Variants in SORCS2 observed in about 807,000 individuals in gnomAD.
The protein encoded by SORCS2 is sortilin related VPS10 domain containing receptor 2.
Under a neutral mutation model 141.6 loss-of-function variants are expected in SORCS2, and 100 were observed. That is an observed-to-expected ratio of 0.71 (90% CI 0.60 to 0.83). SORCS2 has a LOEUF of 0.83. Ranked by LOEUF, SORCS2 falls within the 40% of genes least tolerant of loss-of-function variation. The probability of loss-of-function intolerance (pLI) is 0.00; values close to 1 mark genes in which losing one functional copy is unlikely to be tolerated. For synonymous variants in SORCS2, 789 were observed against 676.9 expected (o/e 1.17, Z -2.57); for missense variants, 1,646 against 1,560.2 (o/e 1.05, Z -0.93).
intron 3 of SORCS2, among the ~76,000 whole-genome samples, chr4:7,563,005 A>T (rs541177539): frequency 2.4e-4 from 36 of 152,328 alleles, no homozygotes; most frequent in African/African-American, 8.4e-4. Context: ...ATAAATTTGC[A>T]TGTGTGGAGC....
intron 1 of SORCS2, among the ~76,000 whole-genome samples, chr4:7,321,000 T>A (rs1325233601): frequency 6.6e-6 from 1 of 151,870 alleles, no homozygotes; most frequent in Non-Finnish European, 1.5e-5. Context: ...ATGGATGAAT[T>A]GTATAGTGGG....
Position 7,286,108 on chromosome 4 carries a change from C to A in SORCS2, c.480+92982C>A, listed in dbSNP as rs1716204142. On this transcript the variant is annotated intron_variant, in intron 1 of 26. Transcript: ENST00000507866. This position sits in a 1 kb window ranked among gnomAD's most constrained non-coding sequence, Gnocchi z 4.1. ...TTGTGGTGGGTGTAACTGTCAGCAT[C>A]CTTGCTGTCCCCCTCAGTCCCCTGA... is the stretch of plus-strand genomic sequence containing the variant. 3.9e-5 allele frequency among the ~76,000 whole-genome samples: 6 copies of A among 152,218 alleles called. No homozygotes were observed. Among genetic ancestry groups the A allele is most frequent in the Admixed American group, 3.9e-4 (6 of 15,286 alleles).
intron 24 of SORCS2, 43 bp downstream of exon 24, chr4:7,733,464 A>G: frequency 6.8e-7 from 1 of 1,479,388 alleles, no homozygotes; most frequent in East Asian, 2.5e-5. Context: ...TGGAGGAGGC[A>G]TCCGGGCCCT....
chr4:7,729,732 C>G lies in SORCS2; in HGVS notation c.3108+20C>G. On this transcript the variant is annotated intron_variant, in intron 23 of 26. Transcript: ENST00000507866. Reference sequence around the variant, plus strand: ...GATAAGGTATGTCCTGTGGCCGCTGCACTCCCAGGTCCTCCCTGCACATCC... The same window carrying G: ...GATAAGGTATGTCCTGTGGCCGCTGGACTCCCAGGTCCTCCCTGCACATCC... 3 of 1,605,810 alleles carry G rather than the reference C, an allele frequency of 1.9e-6. No individual in the cohort carries two copies. Among genetic ancestry groups the G allele is most frequent in the Non-Finnish European group, 2.6e-6 (3 of 1,175,098 alleles).
chr4:7,479,151 C>T (rs1203360755), intron 2 of SORCS2, among the ~76,000 whole-genome samples: 7 of 151,386 alleles, frequency 4.6e-5, no homozygotes, highest in Admixed American at 1.3e-4. Flanking sequence ...AGGAGCCAAA[C>T]GCCAGCAGCC....
chr4:7,342,873 C>T (rs1243257001), intron 1 of SORCS2, among the ~76,000 whole-genome samples: 3 of 152,162 alleles, frequency 2.0e-5, no homozygotes, highest in African/African-American at 4.8e-5. Flanking sequence ...TTTCAGTTGC[C>T]AAGGTGGAAG....
chr4:7,458,986 C>T (rs6818195), intron 2 of SORCS2, among the ~76,000 whole-genome samples: 9,004 of 152,068 alleles, frequency 0.059, 663 homozygotes, highest in African/African-American at 0.17. Context: ...GTGTGGGGGC[C>T]GGCAGGGGGT....
At chr4:7,672,624 C>T (rs1722865663) in intron 8 of SORCS2, among the ~76,000 whole-genome samples, 1 of 150,330 alleles carries the variant, frequency 6.7e-6, no homozygotes, top group Admixed American at 6.6e-5. Flanking sequence ...TACCTGCTTG[C>T]CTCTCTAGTC....
At chr4:7,301,910 C>T (rs1041695451) in intron 1 of SORCS2, among the ~76,000 whole-genome samples, 1 of 152,186 alleles carries the variant, frequency 6.6e-6, no homozygotes, top group Non-Finnish European at 1.5e-5. Context: ...CACATCAGTG[C>T]CATGGCGCCT....
At chr4:7,496,743 A>C (rs1381258072) in intron 2 of SORCS2, among the ~76,000 whole-genome samples, 4 of 152,138 alleles carry the variant, frequency 2.6e-5, no homozygotes, top group Non-Finnish European at 5.9e-5. Context: ...CGTGGGTGGG[A>C]AAGTCCACGG....
At chr4:7,341,317 C>A (rs73210404) in intron 1 of SORCS2, among the ~76,000 whole-genome samples, 22,649 of 152,160 alleles carry the variant, frequency 0.15, 1,938 homozygotes, top group Non-Finnish European at 0.2. Context: ...TCTGCCTTGG[C>A]CTGTTCAAGG....
At position 7,663,266 on chromosome 4, in the gene SORCS2, G is replaced by C. The variant is rs1722293555; in HGVS notation, c.953-1087G>C. ...GAGTGAGTGAAGAGTGAATAAGTGAGTGAGTGAATGAATAAGTGAGTGAGT... is the reference window on the plus strand; with the variant it reads ...GAGTGAGTGAAGAGTGAATAAGTGACTGAGTGAATGAATAAGTGAGTGAGT... On this transcript the variant is annotated intron_variant, in intron 6 of 26. Coordinates refer to ENST00000507866, the MANE Select transcript of SORCS2 (RefSeq NM_020777.3). The surrounding 1 kb of genome is among the most constrained non-coding windows in gnomAD (Gnocchi z 4.8). Among the ~76,000 whole-genome samples, 1 of 151,874 alleles carries C rather than the reference G, an allele frequency of 6.6e-6. No individual in the cohort carries two copies. Among genetic ancestry groups the C allele is most frequent in the Admixed American group, 6.6e-5 (1 of 15,260 alleles).
chr4:7,650,966 G>A (rs573701258), intron 4 of SORCS2, among the ~76,000 whole-genome samples: 32 of 152,202 alleles, frequency 2.1e-4, no homozygotes, highest in African/African-American at 7.0e-4. Context: ...GAAATGCAGT[G>A]CGGACCGTAT....
intron 1 of SORCS2, among the ~76,000 whole-genome samples, chr4:7,213,535 T>C (rs1728166707): frequency 6.6e-6 from 1 of 152,238 alleles, no homozygotes; most frequent in Non-Finnish European, 1.5e-5. Flanking sequence ...AGTGTTGATC[T>C]GAGTCTTCCA....
chr4:7,708,709 G>A (rs1373830217), intron 14 of SORCS2, among the ~76,000 whole-genome samples: 2 of 152,176 alleles, frequency 1.3e-5, no homozygotes, highest in African/African-American at 4.8e-5. Flanking sequence ...GCATACTACG[G>A]GCTGTTTTCA....
At chr4:7,510,873 G>A (rs2109463573) in intron 2 of SORCS2, among the ~76,000 whole-genome samples, 1 of 152,314 alleles carries the variant, frequency 6.6e-6, no homozygotes, top group East Asian at 1.9e-4. Context: ...CAGCACATTG[G>A]CCGCCTGACT....
chr4:7,719,928 A>AC (rs1178685912), intron 18 of SORCS2, among the ~76,000 whole-genome samples: 1 of 151,512 alleles, frequency 6.6e-6, no homozygotes, highest in Non-Finnish European at 1.5e-5. Context: ...GGGAGAGTCA[A>AC]CCCCCACCCC....
intron 2 of SORCS2, among the ~76,000 whole-genome samples, chr4:7,437,944 C>G (rs1439791982): frequency 1.3e-5 from 2 of 152,174 alleles, no homozygotes; most frequent in Non-Finnish European, 2.9e-5. Flanking sequence ...TTATAACCTT[C>G]GAGCGTAGGT....
intron 2 of SORCS2, among the ~76,000 whole-genome samples, chr4:7,477,112 C>T (rs1730344923): frequency 6.6e-6 from 1 of 152,216 alleles, no homozygotes; most frequent in African/African-American, 2.4e-5. Context: ...AGGGTTCCAC[C>T]TGGGCCGTGG....
Sources: gnomAD v4.1 joint callset for allele counts (sites outside exome capture counted in the v4.1 genomes callset) on GRCh38, gnomAD v4.1.1 for gene constraint, Gnocchi (gnomAD v3.1) non-coding constraint, MANE v1.5 for transcripts, NCBI Gene and HGNC (gene_info 2026-07-23, HGNC 2026-07-21) for gene names.